The following OR2AG1 variants were observed in gnomAD, a reference collection of about 807,000 sequenced individuals.
OR2AG1 encodes olfactory receptor family 2 subfamily AG member 1, also known as olfactory receptor 2AG1.
For synonymous variants in OR2AG1, 157 were observed against 155.6 expected, an observed-to-expected ratio of 1.01 and a Z score of -0.07; for missense variants, 391 against 385.9, an observed-to-expected ratio of 1.01 and a Z score of -0.11.
Position 6,790,901 on chromosome 11 carries a change from G to T in OR2AG1, c.*4913G>T, listed in dbSNP as rs1205252176. ...TCAGACATTAACATCTGTGAAGTGT[G>T]CCCTGCATGCTAAGAAAAGGGTGAA... On this transcript the variant is annotated 3_prime_UTR_variant, in exon 2 of 2. Transcript: ENST00000641258. The T allele has an allele frequency of 1.3e-5, 2 of 152,198 alleles. No individual in the cohort carries two copies. Among genetic ancestry groups the T allele is most frequent in the African/African-American group, 2.4e-5 (1 of 41,452 alleles). The allele number at this position is 152,198 out of a possible 1,614,324, so 9.4% of individuals were successfully genotyped here. A position where few individuals can be genotyped will look rare whatever the true frequency, so the allele number is the denominator to read the frequency against.
rs1254347117 is a variant in OR2AG1 at position 6,787,697 on chromosome 11, G to A, written c.*1709G>A. On this transcript the variant is annotated 3_prime_UTR_variant, in exon 2 of 2. Transcript: ENST00000641258. ...TGTGTGTGTGTGTATGTCTCTGTGTGTGTGTGTATGTGTGTGTGAAATCAA... is the reference window on the plus strand; with the variant it reads ...TGTGTGTGTGTGTATGTCTCTGTGTATGTGTGTATGTGTGTGTGAAATCAA... 1.3e-5 allele frequency: 2 copies of A among 151,582 alleles called. No homozygotes were observed. The highest frequency in any genetic ancestry group is 2.9e-5 in the Non-Finnish European group (2 of 67,824). 9.4% of individuals were successfully genotyped at this position (151,582 alleles called of 1,614,324 possible). A position where few individuals can be genotyped will look rare whatever the true frequency, so the allele number is the denominator to read the frequency against.
Position 6,785,489 on chromosome 11 carries a change from T to C in OR2AG1, c.452T>C (p.Leu151Pro). 1 of 1,614,164 alleles carries C rather than the reference T, an allele frequency of 6.2e-7. No homozygotes were observed. Among genetic ancestry groups the C allele is most frequent in the South Asian group, 1.1e-5 (1 of 91,078 alleles). The change falls in exon 2 of 2, where the codon CTG (leucine) becomes CCG (proline). Residue 151 changes from leucine (L) to proline (P), a missense_variant. Leu to Pro is a moderately conservative substitution (Grantham distance 98). Transcript: ENST00000641258. ...CWLMVATSWI[L>P]ASLSALIYTV... is the part of the protein sequence containing the mutation. ...CTCATGGTGGCCACGTCCTGGATCC[T>C]GGCATCCCTAAGTGCCCTAATATAT...
In OR2AG1 at chr11:6,786,995, T is replaced by C. The variant is rs1236147987; in HGVS notation, c.*1007T>C. The C allele has an allele frequency of 6.6e-6, 1 of 152,226 alleles. No homozygotes were observed. The highest frequency in any genetic ancestry group is 1.5e-5 in the Non-Finnish European group (1 of 68,038). The allele number at this position is 152,226 out of a possible 1,614,324, so 9.4% of individuals were successfully genotyped here. A position where few individuals can be genotyped will look rare whatever the true frequency, so the allele number is the denominator to read the frequency against. ...AATGATATGGCTAATTACATGACAC[T>C]CTTTTGGGGGATATTGCTGTTTGAA... On this transcript the variant is annotated 3_prime_UTR_variant, in exon 2 of 2. Coordinates refer to ENST00000641258, the MANE Select transcript of OR2AG1 (RefSeq NM_001004489.3).
In OR2AG1 at chr11:6,790,519, A is replaced by G. The variant is rs900168766; in HGVS notation, c.*4531A>G. 6.6e-5 allele frequency: 10 copies of G among 152,210 alleles called. No homozygotes were observed. The highest frequency in any genetic ancestry group is 1.5e-4 in the Non-Finnish European group (10 of 68,040). 9.4% of individuals were successfully genotyped at this position (152,210 alleles called of 1,614,324 possible). A position where few individuals can be genotyped will look rare whatever the true frequency, so the allele number is the denominator to read the frequency against. On this transcript the variant is annotated 3_prime_UTR_variant, in exon 2 of 2. Coordinates refer to ENST00000641258, the MANE Select transcript of OR2AG1 (RefSeq NM_001004489.3). ...CGTATATCAAATCATCACACTGTAT[A>G]CCTTAAATACATTCTAGTCATATTT...
Position 6,789,028 on chromosome 11 carries a change from A to AAG in OR2AG1, c.*3041_*3042insGA. ...ATTTTCAGCTTCTCTTCACAGGAAA[A>AAG]AAAAAAAATACAAAGGGAACACTTA... On this transcript the variant is annotated 3_prime_UTR_variant, in exon 2 of 2. Coordinates refer to ENST00000641258, the MANE Select transcript of OR2AG1 (RefSeq NM_001004489.3). 6.6e-6 allele frequency: 1 copy of AAG among 151,540 alleles called. No individual in the cohort carries two copies. Among genetic ancestry groups the AAG allele is most frequent in the African/African-American group, 2.4e-5 (1 of 41,330 alleles). 9.4% of individuals were successfully genotyped at this position (151,540 alleles called of 1,614,324 possible).
chr11:6,786,240 G>A lies in OR2AG1; in HGVS notation c.*252G>A. ...ATTTAATCTTTATTTTCCCAGGAAG[G>A]TATTTAGTTAAATGGGTTCCCACCT... On this transcript the variant is annotated 3_prime_UTR_variant, in exon 2 of 2. Coordinates refer to ENST00000641258, the MANE Select transcript of OR2AG1 (RefSeq NM_001004489.3). 1 of 378,028 alleles carries A rather than the reference G, an allele frequency of 2.6e-6. No homozygotes were observed. Among genetic ancestry groups the A allele is most frequent in the Non-Finnish European group, 4.7e-6 (1 of 212,774 alleles). 23.4% of individuals were successfully genotyped at this position (378,028 alleles called of 1,614,324 possible). A position where few individuals can be genotyped will look rare whatever the true frequency, so the allele number is the denominator to read the frequency against.
rs369700990 is a variant in OR2AG1 at position 6,785,268 on chromosome 11, C to T, written c.231C>T (p.Val77=). 2 of 1,614,046 alleles carry T rather than the reference C, an allele frequency of 1.2e-6. No individual in the cohort carries two copies. Among genetic ancestry groups the T allele is most frequent in the African/African-American group, 2.7e-5 (2 of 74,926 alleles). The change falls in exon 2 of 2, where the codon GTC becomes GTT. Residue 77 remains valine (V), a synonymous_variant. Transcript: ENST00000641258. ...SLMDLLFTSV[V]TPKALADFLR... ...TGGACCTCCTGTTCACATCTGTTGT[C>T]ACTCCCAAGGCCCTTGCGGACTTTC...
intron 1 of OR2AG1, 96 bp from the exon 2 acceptor site, chr11:6,784,922 T>A (rs1847606239): frequency 3.2e-6 from 2 of 629,280 alleles, no homozygotes; most frequent in Admixed American, 6.1e-5. Context: ...GTGGAAAGGG[T>A]AACATCTCAG....
At position 6,789,616 on chromosome 11, in the gene OR2AG1, A is replaced by T. The variant is rs574183111; in HGVS notation, c.*3628A>T. The stretch of plus-strand genomic sequence containing the variant: ...CAGTGAGGCAAGATCGCGCCATTGC[A>T]CTCCAGCTTGGGCAACAAGAGCGAA... On this transcript the variant is annotated 3_prime_UTR_variant, in exon 2 of 2. Coordinates refer to ENST00000641258, the MANE Select transcript of OR2AG1 (RefSeq NM_001004489.3). 6.5e-6 allele frequency: 1 copy of T among 154,546 alleles called. No individual in the cohort carries two copies. The highest frequency in any genetic ancestry group is 1.9e-4 in the East Asian group (1 of 5,256). 9.6% of individuals were successfully genotyped at this position (154,546 alleles called of 1,614,324 possible).
At position 6,788,246 on chromosome 11, in the gene OR2AG1, A is replaced by G. The variant is rs958790724; in HGVS notation, c.*2258A>G. On this transcript the variant is annotated 3_prime_UTR_variant, in exon 2 of 2. Transcript: ENST00000641258. ...TTGACGTCTTTGCTGTGCATCATAC[A>G]GTTCAATTTAGGTAACAATTTATAT... 1.3e-5 allele frequency: 2 copies of G among 152,100 alleles called. No homozygotes were observed. Among genetic ancestry groups the G allele is most frequent in the Admixed American group, 6.5e-5 (1 of 15,274 alleles). The allele number at this position is 152,100 out of a possible 1,614,324, so 9.4% of individuals were successfully genotyped here. A position where few individuals can be genotyped will look rare whatever the true frequency, so the allele number is the denominator to read the frequency against.
At position 6,790,578 on chromosome 11, in the gene OR2AG1, G is replaced by A. The variant is rs1847679248; in HGVS notation, c.*4590G>A. The A allele has an allele frequency of 6.6e-6, 1 of 152,016 alleles. No homozygotes were observed. Among genetic ancestry groups the A allele is most frequent in the Non-Finnish European group, 1.5e-5 (1 of 67,974 alleles). 9.4% of individuals were successfully genotyped at this position (152,016 alleles called of 1,614,324 possible). ...TATCTCAATAAAGTTGGAAAAAAAA[G>A]AAAACTATGGGCAAATTATACATAA... On this transcript the variant is annotated 3_prime_UTR_variant, in exon 2 of 2. Coordinates refer to ENST00000641258, the MANE Select transcript of OR2AG1 (RefSeq NM_001004489.3).
In OR2AG1 at chr11:6,783,250, T is replaced by C. The variant is rs1377736060; in HGVS notation, c.-242T>C. On this transcript the variant is annotated 5_prime_UTR_variant, in exon 1 of 2. Transcript: ENST00000641258. The stretch of plus-strand genomic sequence containing the variant: ...GTCTGCCTGCATCCACTGCTATCTC[T>C]AGGGTAGACCTGCAGATAAGTGGAA... The C allele has an allele frequency of 1.3e-5, 2 of 152,228 alleles. No individual in the cohort carries two copies. 9.4% of individuals were successfully genotyped at this position (152,228 alleles called of 1,614,324 possible). A position where few individuals can be genotyped will look rare whatever the true frequency, so the allele number is the denominator to read the frequency against.
At chr11:6,784,045 T>C in intron 1 of OR2AG1, among the ~76,000 whole-genome samples, 1 of 152,188 alleles carries the variant, frequency 6.6e-6, no homozygotes, top group East Asian at 1.9e-4. Flanking sequence ...GTCCTTCTCC[T>C]TGGCTTCTCC....
intron 1 of OR2AG1, among the ~76,000 whole-genome samples, chr11:6,784,443 T>A (rs1164062086): frequency 6.6e-6 from 1 of 152,198 alleles, no homozygotes; most frequent in African/African-American, 2.4e-5. Flanking sequence ...CAGTCCATTA[T>A]CCCTTCTCTC....
Position 6,786,742 on chromosome 11 carries a change from C to T in OR2AG1, c.*754C>T, listed in dbSNP as rs1026075779. The T allele has an allele frequency of 3.3e-5, 5 of 152,158 alleles. No homozygotes were observed. The highest frequency in any genetic ancestry group is 7.4e-5 in the Non-Finnish European group (5 of 68,010). The allele number at this position is 152,158 out of a possible 1,614,324, so 9.4% of individuals were successfully genotyped here. A position where few individuals can be genotyped will look rare whatever the true frequency, so the allele number is the denominator to read the frequency against. ...GTGATTTTCCATTATCCAAGGCTATCTTGTAACATTCCAACCATTGCAGTG... is the reference window on the plus strand; with the variant it reads ...GTGATTTTCCATTATCCAAGGCTATTTTGTAACATTCCAACCATTGCAGTG... On this transcript the variant is annotated 3_prime_UTR_variant, in exon 2 of 2. Transcript: ENST00000641258.
At position 6,785,981 on chromosome 11, in the gene OR2AG1, C is replaced by T. The variant is rs771028005; in HGVS notation, c.944C>T (p.Thr315Met). ...LGKYMLPAHSTL is the reference protein window; with the variant it reads ...LGKYMLPAHSML The stretch of plus-strand genomic sequence containing the variant: ...AAATACATGCTGCCAGCACACTCCA[C>T]GCTCTAGGGAAGGATCATGGCTAGC... Residue 315 changes from threonine (T) to methionine (M), a missense_variant, in exon 2 of 2, where the codon ACG (threonine) becomes ATG (methionine). Coordinates refer to ENST00000641258, the MANE Select transcript of OR2AG1 (RefSeq NM_001004489.3). 4.7e-5 allele frequency: 75 copies of T among 1,609,574 alleles called. No homozygotes were observed. Among genetic ancestry groups the T allele is most frequent in the South Asian group, 3.3e-4 (30 of 90,498 alleles).
Position 6,788,643 on chromosome 11 carries a change from A to C in OR2AG1, c.*2655A>C, listed in dbSNP as rs1847651431. ...CTTGCCTTCCTGAACATGGTGCATG[A>C]CTATACTTCTGGAACCTAGTCTCAG... is the stretch of plus-strand genomic sequence containing the variant. On this transcript the variant is annotated 3_prime_UTR_variant, in exon 2 of 2. Transcript: ENST00000641258. 6.6e-6 allele frequency: 1 copy of C among 152,142 alleles called. No individual in the cohort carries two copies. The highest frequency in any genetic ancestry group is 1.5e-5 in the Non-Finnish European group (1 of 68,028). 9.4% of individuals were successfully genotyped at this position (152,142 alleles called of 1,614,324 possible). A position where few individuals can be genotyped will look rare whatever the true frequency, so the allele number is the denominator to read the frequency against.
At position 6,785,158 on chromosome 11, in the gene OR2AG1, A is replaced by G. The variant is rs2133027081; in HGVS notation, c.121A>G (p.Ser41Gly). ...AATCCTATACTTGTTGGCCCTGATC[A>G]GCAATGGCCTACTGCTCCTGGCTAT... ...ITILYLLALI[S>G]NGLLLLAITM... Residue 41 changes from serine (S) to glycine (G), a missense_variant, in exon 2 of 2, where the codon AGC becomes GGC. Transcript: ENST00000641258. The G allele has an allele frequency of 6.2e-7, 1 of 1,614,156 alleles. No individual in the cohort carries two copies. Among genetic ancestry groups the G allele is most frequent in the Non-Finnish European group, 8.5e-7 (1 of 1,179,998 alleles).
rs200229487 is a variant in OR2AG1 at position 6,785,720 on chromosome 11, T to G, written c.683T>G (p.Met228Arg). The change falls in exon 2 of 2, where the codon ATG becomes AGG. Residue 228 changes from methionine to arginine, a missense_variant. Met to Arg is a moderately conservative substitution (Grantham distance 91). Transcript: ENST00000641258. ...YTQILLTVLH[M>R]PSNEGRKKAL... ...CAAATTCTACTCACTGTGCTCCATATGCCATCAAATGAGGGGAGGAAGAAA... is the reference window on the plus strand; with the variant it reads ...CAAATTCTACTCACTGTGCTCCATAGGCCATCAAATGAGGGGAGGAAGAAA... 6.2e-7 allele frequency: 1 copy of G among 1,614,202 alleles called. No individual in the cohort carries two copies. The highest frequency in any genetic ancestry group is 8.5e-7 in the Non-Finnish European group (1 of 1,180,022).
Sources: gnomAD v4.1 joint callset for allele counts (sites outside exome capture counted in the v4.1 genomes callset) on GRCh38, gnomAD v4.1.1 for gene constraint, MANE v1.5 for transcripts, NCBI Gene and HGNC (gene_info 2026-07-23, HGNC 2026-07-21) for gene names.